ERBB4: variants seen among roughly 807,000 people sequenced by gnomAD.
ERBB4 encodes receptor tyrosine-protein kinase erbB-4.
ERBB4 carries 42 observed loss-of-function variants against 158.0 expected under a neutral mutation model. The ratio of observed to expected loss-of-function variants is 0.27; its 90% CI spans 0.21 to 0.34. The LOEUF (loss-of-function observed/expected upper bound fraction) is 0.34. Among genes scored for constraint, ERBB4 ranks in the 10% least tolerant of loss-of-function variants. ERBB4 has a pLI of 1.00. For missense variants in ERBB4, 1,333 were observed against 1,624.1 expected, an observed-to-expected ratio of 0.82 and a Z score of 3.08; for synonymous variants, 583 against 558.7, an observed-to-expected ratio of 1.04 and a Z score of -0.61.
intron 20 of ERBB4, among the ~76,000 whole-genome samples, chr2:211,507,135 T>A (rs1183885229): frequency 6.6e-6 from 1 of 151,878 alleles, no homozygotes; most frequent in African/African-American, 2.4e-5. Flanking sequence ...TCTGGAAACA[T>A]ACAACCTCCC....
intron 1 of ERBB4, among the ~76,000 whole-genome samples, chr2:212,460,780 G>A (rs1470287622): frequency 3.3e-5 from 5 of 152,282 alleles, no homozygotes; most frequent in South Asian, 2.1e-4. Context: ...AATTCCAGCT[G>A]GCTGCAGAAA....
intron 4 of ERBB4, among the ~76,000 whole-genome samples, chr2:211,767,170 T>C (rs1342597339): frequency 1.3e-5 from 2 of 152,220 alleles, no homozygotes; most frequent in African/African-American, 4.8e-5. Context: ...TTTATTGCTT[T>C]GTTCGTGCAT....
chr2:212,006,014 G>GA (rs2076251550), intron 2 of ERBB4, among the ~76,000 whole-genome samples: 3 of 151,762 alleles, frequency 2.0e-5, no homozygotes, highest in Non-Finnish European at 4.4e-5. Flanking sequence ...CTGAAAAGGA[G>GA]AAAAAAAAGA....
intron 20 of ERBB4, chr2:211,535,669 C>T (rs1381789479): frequency 6.6e-6 from 1 of 152,380 alleles, no homozygotes; most frequent in African/African-American, 2.4e-5. Flanking sequence ...GGCCATACCA[C>T]CCCGAATGCA....
chr2:212,104,440 A>G (rs2079167650), intron 2 of ERBB4, among the ~76,000 whole-genome samples: 2 of 152,266 alleles, frequency 1.3e-5, no homozygotes, highest in South Asian at 4.1e-4. Context: ...TACACTTCAC[A>G]ATTCACCTGA....
intron 14 of ERBB4, among the ~76,000 whole-genome samples, chr2:211,669,216 C>CAAAAAAAAAAAAAAAAAAAAAAAAA: frequency 1.8e-5 from 1 of 56,110 alleles, no homozygotes. Flanking sequence ...GAGTGAGTCT[C>CAAAAAAAAAAAAAAAAAAAAAAAAA]AAAAAAAAAA....
At chr2:211,480,984 C>G (rs2065068269) in intron 20 of ERBB4, among the ~76,000 whole-genome samples, 1 of 152,116 alleles carries the variant, frequency 6.6e-6, no homozygotes, top group Non-Finnish European at 1.5e-5. Flanking sequence ...TCAATCAGCT[C>G]TATATATCAG....
At chr2:212,101,629 C>T (rs553315610) in intron 2 of ERBB4, among the ~76,000 whole-genome samples, 1 of 151,924 alleles carries the variant, frequency 6.6e-6, no homozygotes, top group East Asian at 1.9e-4. Flanking sequence ...TCTTATCACC[C>T]TGAACTGAAA....
chr2:211,434,114 A>T (rs1470784055), intron 20 of ERBB4, among the ~76,000 whole-genome samples: 1 of 152,200 alleles, frequency 6.6e-6, no homozygotes, highest in Non-Finnish European at 1.5e-5. Flanking sequence ...ATTTAGGTGG[A>T]TAATGATCCC....
At chr2:212,278,069 C>T (rs894577053) in intron 1 of ERBB4, among the ~76,000 whole-genome samples, 9 of 151,630 alleles carry the variant, frequency 5.9e-5, no homozygotes, top group South Asian at 2.1e-4. Context: ...CAGCAGTTGC[C>T]GCTAATATTG....
chr2:212,396,032 G>A (rs1194056904), intron 1 of ERBB4, among the ~76,000 whole-genome samples: 1 of 151,986 alleles, frequency 6.6e-6, no homozygotes, highest in Non-Finnish European at 1.5e-5. Context: ...TATAACTGAT[G>A]GTTTTATGTG....
intron 1 of ERBB4, among the ~76,000 whole-genome samples, chr2:212,230,470 A>G (rs149428616): frequency 1.7e-4 from 26 of 152,286 alleles, no homozygotes; most frequent in African/African-American, 5.5e-4. Flanking sequence ...GAGGTAAAAT[A>G]TATTTTTGTC....
At chr2:211,913,398 C>T (rs990439413) in intron 3 of ERBB4, among the ~76,000 whole-genome samples, 25 of 151,870 alleles carry the variant, frequency 1.6e-4, no homozygotes, top group Admixed American at 7.2e-4. Flanking sequence ...GTCTGGAGTT[C>T]GAGATCAGCC....
At chr2:211,530,744 G>T (rs1378640149) in intron 20 of ERBB4, among the ~76,000 whole-genome samples, 2 of 151,946 alleles carry the variant, frequency 1.3e-5, no homozygotes, top group South Asian at 2.1e-4. Flanking sequence ...AAAAAAATTG[G>T]CCAGGCCTGG....
At chr2:212,187,953 A>T (rs1407863424) in intron 1 of ERBB4, among the ~76,000 whole-genome samples, 1 of 152,172 alleles carries the variant, frequency 6.6e-6, no homozygotes, top group Middle Eastern at 3.2e-3. Flanking sequence ...ACCTCGAGAA[A>T]CAAGACATCT....
intron 2 of ERBB4, among the ~76,000 whole-genome samples, chr2:212,015,706 G>C (rs188436985): frequency 2.0e-5 from 3 of 152,056 alleles, no homozygotes; most frequent in Admixed American, 2.0e-4. Context: ...AACTCACTTG[G>C]GGGTAGTGCC....
At chr2:211,630,379 G>A (rs1287725181) in intron 17 of ERBB4, 83 bp downstream of exon 17, 21 of 1,521,208 alleles carry the variant, frequency 1.4e-5, no homozygotes, top group Non-Finnish European at 9.1e-7. Flanking sequence ...ATTTTACTTG[G>A]ATTAAATAAT....
intron 20 of ERBB4, among the ~76,000 whole-genome samples, chr2:211,489,222 T>C (rs2065278426): frequency 6.6e-6 from 1 of 152,056 alleles, no homozygotes; most frequent in South Asian, 2.1e-4. Flanking sequence ...ATTAATTCTA[T>C]AATAAGAATA....
chr2:211,694,795 T>G (rs1418241942), intron 12 of ERBB4, among the ~76,000 whole-genome samples: 1 of 152,140 alleles, frequency 6.6e-6, no homozygotes, highest in African/African-American at 2.4e-5. Flanking sequence ...TTCTTCTAAC[T>G]TGGTAGGCTG....
Sources: gnomAD v4.1 joint callset for allele counts (sites outside exome capture counted in the v4.1 genomes callset) on GRCh38, gnomAD v4.1.1 for gene constraint, MANE v1.5 for transcripts, NCBI Gene and HGNC (gene_info 2026-07-23, HGNC 2026-07-21) for gene names.